The following PDE8A variants were observed in gnomAD, a reference collection of about 807,000 sequenced individuals.
PDE8A encodes high affinity cAMP-specific and IBMX-insensitive 3',5'-cyclic phosphodiesterase 8A.
In PDE8A, 59 loss-of-function variants were observed where a neutral mutation model predicts 105.0. That is an observed-to-expected ratio of 0.56 (90% CI 0.46 to 0.70). The LOEUF is 0.70. PDE8A is among the 30% of genes least tolerant of loss of function. The pLI is 0.00. For missense variants in PDE8A, 1,014 were observed against 1,045.9 expected (o/e 0.97, Z 0.42); for synonymous variants, 355 against 371.9 (o/e 0.95, Z 0.52).
chr15:85,107,331 T>G (rs1245304565), intron 11 of PDE8A, among the ~76,000 whole-genome samples: 1 of 152,232 alleles, frequency 6.6e-6, no homozygotes, highest in Non-Finnish European at 1.5e-5. Flanking sequence ...ACTGAGGAGT[T>G]TGAATCTTAT....
At chr15:84,992,435 A>T (rs749103324) in intron 1 of PDE8A, among the ~76,000 whole-genome samples, 1 of 152,212 alleles carries the variant, frequency 6.6e-6, no homozygotes, top group Non-Finnish European at 1.5e-5. Flanking sequence ...CGGGAGGTCT[A>T]AAAGCCAGGT....
At chr15:85,002,078 C>A (rs1210794524) in intron 1 of PDE8A, among the ~76,000 whole-genome samples, 1 of 152,066 alleles carries the variant, frequency 6.6e-6, no homozygotes, top group African/African-American at 2.4e-5. Context: ...AACTCCCACA[C>A]ACGTAAAGCA....
intron 7 of PDE8A, chr15:85,090,581 A>T (rs933474542): frequency 2.3e-5 from 5 of 221,582 alleles, no homozygotes; most frequent in Non-Finnish European, 3.9e-5. Flanking sequence ...TTTCATTCCC[A>T]TATCCGGATA....
chr15:85,054,010 G>C lies in PDE8A; in HGVS notation c.187-10360G>C, dbSNP rs139614993. ...ATGTCCCATCAATACCTAGTTTATCGAGAGTTTTTAGCATGAAGGGCTGTT... is the reference window on the plus strand; with the variant it reads ...ATGTCCCATCAATACCTAGTTTATCCAGAGTTTTTAGCATGAAGGGCTGTT... On this transcript the variant is annotated intron_variant, in intron 1 of 21. Coordinates refer to ENST00000394553, the MANE Select transcript of PDE8A (RefSeq NM_002605.3). Among the ~76,000 whole-genome samples, 778 of 94,118 alleles carry C rather than the reference G, an allele frequency of 8.3e-3. 4 individuals are homozygous for C. The highest frequency in any genetic ancestry group is 0.025 in the African/African-American group (740 of 29,218). 61.7% of individuals were successfully genotyped at this position (94,118 alleles called of 152,430 possible). A position where few individuals can be genotyped will look rare whatever the true frequency, so the allele number is the denominator to read the frequency against.
chr15:85,129,037 T>C (rs1468219099), intron 20 of PDE8A, among the ~76,000 whole-genome samples: 2 of 152,236 alleles, frequency 1.3e-5, no homozygotes, highest in African/African-American at 4.8e-5. Flanking sequence ...CTTCCCTTCA[T>C]TCTCTTCATA....
intron 1 of PDE8A, among the ~76,000 whole-genome samples, chr15:85,005,314 CTA>C (rs2080129112): frequency 6.6e-6 from 1 of 152,086 alleles, no homozygotes; most frequent in Admixed American, 6.6e-5. Context: ...AAGGTTCTCA[CTA>C]TATTGCCCAG....
intron 1 of PDE8A, among the ~76,000 whole-genome samples, chr15:85,017,980 A>T (rs755190458): frequency 6.6e-6 from 1 of 150,834 alleles, no homozygotes; most frequent in African/African-American, 2.4e-5. Context: ...TATGCCCAGG[A>T]TGGTGGTGGT....
intron 5 of PDE8A, 24 bp downstream of exon 5, chr15:85,076,811 A>T (rs771511209): frequency 3.7e-6 from 5 of 1,359,112 alleles, no homozygotes; most frequent in East Asian, 2.3e-5. Flanking sequence ...TATTTGTTAT[A>T]CAAGTATAAT....
At chr15:85,000,251 C>T (rs2080046146) in intron 1 of PDE8A, among the ~76,000 whole-genome samples, 2 of 152,166 alleles carry the variant, frequency 1.3e-5, no homozygotes, top group South Asian at 4.1e-4. Flanking sequence ...TTTGTTTTCT[C>T]ACCAGTGGGT....
chr15:85,036,859 C>T (rs572483565), intron 1 of PDE8A, among the ~76,000 whole-genome samples: 1 of 152,222 alleles, frequency 6.6e-6, no homozygotes, highest in Admixed American at 6.5e-5. Flanking sequence ...CTTCTAACAG[C>T]ACTGGTCAGG....
chr15:85,061,581 C>T (rs1015215567), intron 1 of PDE8A, among the ~76,000 whole-genome samples: 1 of 152,112 alleles, frequency 6.6e-6, no homozygotes, highest in Non-Finnish European at 1.5e-5. Flanking sequence ...TGAGCAGTTT[C>T]ATTATAATGT....
At chr15:85,009,939 A>G (rs1230547564) in intron 1 of PDE8A, among the ~76,000 whole-genome samples, 1 of 152,254 alleles carries the variant, frequency 6.6e-6, no homozygotes, top group Non-Finnish European at 1.5e-5. Context: ...ACTTTATAGC[A>G]ATGGAAATGA....
chr15:85,056,679 T>TC (rs1417525308), intron 1 of PDE8A, among the ~76,000 whole-genome samples: 1 of 152,206 alleles, frequency 6.6e-6, no homozygotes, highest in Admixed American at 6.5e-5. Context: ...TAAGGTATTC[T>TC]CTATGCTGTT....
rs201196042 is a variant in PDE8A, at chr15:85,030,912, T to A, written c.187-33458T>A. Reference sequence around the variant, plus strand: ...CCTGTTGTTAAACATTCACAAAGTGTTGTAATTATCTGTTTATATTTTTAT... The same window carrying A: ...CCTGTTGTTAAACATTCACAAAGTGATGTAATTATCTGTTTATATTTTTAT... On this transcript the variant is annotated intron_variant, in intron 1 of 21. Transcript: ENST00000394553. 9.8e-5 allele frequency among the ~76,000 whole-genome samples: 15 copies of A among 152,320 alleles called. No individual in the cohort carries two copies. In the East Asian group the frequency reaches 1.7e-3, roughly 18 times the overall value.
In PDE8A at chr15:85,116,043, C is replaced by T. The variant is rs769259809; in HGVS notation, c.1459C>T (p.Arg487Trp). 27 of 1,613,136 alleles carry T rather than the reference C, an allele frequency of 1.7e-5. No homozygotes were observed. Among genetic ancestry groups the T allele is most frequent in the Admixed American group, 1.3e-4 (8 of 60,002 alleles). The stretch of plus-strand genomic sequence containing the variant: ...CATCTCCCTTGATGATGTCCCACCA[C>T]GGATAGCTCGGGCCATGGAAAATGA... ...TPISLDDVPP[R>W]IARAMENEEY... Residue 487 changes from arginine (R) to tryptophan (W), a missense_variant, in exon 16 of 22, where the codon CGG (arginine) becomes TGG (tryptophan). Physicochemically the swap from Arg to Trp is moderately radical, Grantham distance 101 (BLOSUM62 -3). Coordinates refer to ENST00000394553, the MANE Select transcript of PDE8A (RefSeq NM_002605.3).
intron 1 of PDE8A, among the ~76,000 whole-genome samples, chr15:85,001,794 T>C (rs1392530663): frequency 6.6e-6 from 1 of 152,200 alleles, no homozygotes; most frequent in Non-Finnish European, 1.5e-5. Flanking sequence ...TGACACCTTA[T>C]TAAAGCGTGG....
intron 1 of PDE8A, among the ~76,000 whole-genome samples, chr15:84,991,170 C>G (rs930034002): frequency 2.6e-5 from 4 of 151,962 alleles, no homozygotes; most frequent in Admixed American, 2.0e-4. Context: ...AATTCAACTA[C>G]GTTAAAATAA....
chr15:85,008,514 C>G (rs2080185814), intron 1 of PDE8A, among the ~76,000 whole-genome samples: 1 of 152,106 alleles, frequency 6.6e-6, no homozygotes, highest in East Asian at 1.9e-4. Context: ...CTCTGGGCCC[C>G]ATTTTTAATA....
At chr15:85,011,601 A>G (rs897488827) in intron 1 of PDE8A, among the ~76,000 whole-genome samples, 2 of 152,238 alleles carry the variant, frequency 1.3e-5, no homozygotes, top group African/African-American at 4.8e-5. Flanking sequence ...TCCTAGAAGA[A>G]AACCTAGGCA....
Sources: gnomAD v4.1 joint callset for allele counts (sites outside exome capture counted in the v4.1 genomes callset) on GRCh38, gnomAD v4.1.1 for gene constraint, MANE v1.5 for transcripts, NCBI Gene and HGNC (gene_info 2026-07-23, HGNC 2026-07-21) for gene names.